Variants in RICTOR observed in about 807,000 individuals in gnomAD.
The protein encoded by RICTOR is rapamycin-insensitive companion of mTOR.
Under a neutral mutation model 214.9 loss-of-function variants are expected in RICTOR, and 49 were observed. The observed-to-expected ratio is 0.23, with a 90% CI of 0.18 to 0.29. The LOEUF (loss-of-function observed/expected upper bound fraction) is 0.29, where lower values mean the gene tolerates loss of function less well. RICTOR is among the 10% of genes least tolerant of loss of function. RICTOR has a pLI of 1.00. For synonymous variants in RICTOR, 717 were observed against 711.3 expected, an observed-to-expected ratio of 1.01 and a Z score of -0.13; for missense variants, 1,625 against 2,047.0, an observed-to-expected ratio of 0.79 and a Z score of 3.98.
In RICTOR at chr5:38,950,239, T is replaced by C. The variant is rs746168009; in HGVS notation, c.3609A>G (p.Leu1203=). The change falls in exon 31 of 38, where the codon TTA becomes TTG. Residue 1203 remains leucine, a synonymous_variant. Transcript: ENST00000357387. ...GTGAGCTCGTTGAACTTTCTACTAC[T>C]AACCTCTCTCGGCTTGTATTTTCTC... The part of the protein sequence containing the change: ...NHRENTSRER[L]VVESSTSSHM... 3.7e-6 allele frequency: 6 copies of C among 1,613,624 alleles called. No individual in the cohort carries two copies. Among genetic ancestry groups the C allele is most frequent in the Non-Finnish European group, 5.1e-6 (6 of 1,179,658 alleles).
At chr5:39,056,143 C>A (rs768465834) in intron 2 of RICTOR, among the ~76,000 whole-genome samples, 5 of 152,166 alleles carry the variant, frequency 3.3e-5, no homozygotes, top group Non-Finnish European at 7.4e-5. Flanking sequence ...CAGGAGCCCT[C>A]AAGCTTAAAC....
chr5:39,030,902 T>C (rs1282205744), intron 2 of RICTOR, among the ~76,000 whole-genome samples: 5 of 152,066 alleles, frequency 3.3e-5, no homozygotes, highest in Admixed American at 6.6e-5. Context: ...CCAATTGCCC[T>C]GTGAAGCAAA....
chr5:38,940,649 A>G lies in RICTOR; in HGVS notation c.*1655T>C, dbSNP rs1380504543. On this transcript the variant is annotated 3_prime_UTR_variant, in exon 38 of 38. Coordinates refer to ENST00000357387, the MANE Select transcript of RICTOR (RefSeq NM_152756.5). ...GCTTACAGCCCTTATCTGCTTTGTT[A>G]TAATGTAAGTTGCTACACAGTGCAC... 4.3e-6 allele frequency: 1 copy of G among 232,886 alleles called. No homozygotes were observed. The highest frequency in any genetic ancestry group is 8.5e-6 in the Non-Finnish European group (1 of 117,628). The allele number at this position is 232,886 out of a possible 1,614,324, so 14.4% of individuals were successfully genotyped here. A position where few individuals can be genotyped will look rare whatever the true frequency, so the allele number is the denominator to read the frequency against.
intron 7 of RICTOR, among the ~76,000 whole-genome samples, chr5:38,989,147 A>C (rs1752397608): frequency 6.6e-6 from 1 of 152,234 alleles, no homozygotes; most frequent in African/African-American, 2.4e-5. Flanking sequence ...ATAGCACGGT[A>C]CTGGTACCAA....
At chr5:38,986,303 T>TC (rs1482071834) in intron 7 of RICTOR, among the ~76,000 whole-genome samples, 1 of 152,204 alleles carries the variant, frequency 6.6e-6, no homozygotes, top group Non-Finnish European at 1.5e-5. Flanking sequence ...TCCTGAGGCC[T>TC]CTCAAGTCAT....
chr5:38,990,727 CAT>C (rs368115702), intron 7 of RICTOR, among the ~76,000 whole-genome samples: 70 of 2,870 alleles, frequency 0.024, 1 homozygote, highest in East Asian at 0.19. Flanking sequence ...TGATATATAT[CAT>C]ATATATGATA....
chr5:39,065,759 T>TCTA (rs2150213387), intron 2 of RICTOR, among the ~76,000 whole-genome samples: 1 of 152,378 alleles, frequency 6.6e-6, no homozygotes, highest in African/African-American at 2.4e-5. Flanking sequence ...CATTAAATCT[T>TCTA]AAAGCTCCAA....
intron 8 of RICTOR, chr5:38,981,605 T>C: frequency 3.3e-6 from 1 of 304,324 alleles, no homozygotes; most frequent in Non-Finnish European, 6.0e-6. Flanking sequence ...ATAACTTTAT[T>C]TGTACTCTAA....
At chr5:38,966,868 T>G in intron 14 of RICTOR, 147 bp from the exon 15 acceptor site, 1 of 598,282 alleles carries the variant, frequency 1.7e-6, no homozygotes, top group South Asian at 2.1e-5. Flanking sequence ...CGGCAAGATC[T>G]CAGCTCAGTA....
At chr5:39,055,811 G>A (rs963151767) in intron 2 of RICTOR, among the ~76,000 whole-genome samples, 3 of 152,096 alleles carry the variant, frequency 2.0e-5, no homozygotes, top group African/African-American at 4.8e-5. Flanking sequence ...ACTAGAACAG[G>A]GAGAGTAGTT....
chr5:38,982,765 C>T (rs1308463558), intron 7 of RICTOR, among the ~76,000 whole-genome samples: 1 of 137,764 alleles, frequency 7.3e-6, no homozygotes, highest in African/African-American at 2.7e-5. Flanking sequence ...TAAAATTATA[C>T]ATACATACAC....
intron 8 of RICTOR, chr5:38,981,409 G>A (rs1428806135): frequency 6.5e-6 from 1 of 154,924 alleles, no homozygotes; most frequent in Non-Finnish European, 1.4e-5. Flanking sequence ...AAAAATTTAA[G>A]AGGTATTTAC....
chr5:38,965,489 C>T (rs1240405196), intron 15 of RICTOR, among the ~76,000 whole-genome samples: 1 of 151,680 alleles, frequency 6.6e-6, no homozygotes, highest in Non-Finnish European at 1.5e-5. Flanking sequence ...TCTTTTATTT[C>T]AAGAAAATTA....
At chr5:39,008,940 T>C (rs952941340) in intron 3 of RICTOR, among the ~76,000 whole-genome samples, 1 of 151,846 alleles carries the variant, frequency 6.6e-6, no homozygotes, top group Non-Finnish European at 1.5e-5. Context: ...TATAGAAAAA[T>C]TAAGGTTAGA....
At chr5:39,005,283 T>C (rs1753967675) in intron 3 of RICTOR, among the ~76,000 whole-genome samples, 2 of 152,356 alleles carry the variant, frequency 1.3e-5, no homozygotes, top group South Asian at 4.1e-4. Flanking sequence ...CAAACTCTCC[T>C]TCTGGTAATT....
At chr5:39,036,006 C>T (rs1269884081) in intron 2 of RICTOR, among the ~76,000 whole-genome samples, 2 of 152,130 alleles carry the variant, frequency 1.3e-5, no homozygotes, top group African/African-American at 2.4e-5. Context: ...CTCCAAGACA[C>T]GTAACTGTCA....
chr5:39,038,751 A>G (rs1206437136), intron 2 of RICTOR, among the ~76,000 whole-genome samples: 2 of 152,176 alleles, frequency 1.3e-5, no homozygotes, highest in African/African-American at 4.8e-5. Flanking sequence ...TAGAAATCCA[A>G]CTTACAAGGG....
At chr5:38,981,525 G>A (rs1054312479) in intron 8 of RICTOR, 2 of 171,344 alleles carry the variant, frequency 1.2e-5, no homozygotes, top group Middle Eastern at 2.5e-3. Context: ...TAATTAGCAG[G>A]AGCTATTCAC....
chr5:38,996,137 A>G (rs766803873), intron 6 of RICTOR, among the ~76,000 whole-genome samples: 19 of 152,234 alleles, frequency 1.2e-4, no homozygotes, highest in East Asian at 7.7e-4. Context: ...GCAAACAAAC[A>G]TATACTTCAT....
Sources: allele counts gnomAD v4.1 joint callset (sites outside exome capture counted in the v4.1 genomes callset), GRCh38; gene constraint gnomAD v4.1.1; transcripts MANE v1.5; gene names NCBI Gene and HGNC (gene_info 2026-07-23, HGNC 2026-07-21).